KCNQ3: variants seen among roughly 807,000 people sequenced by gnomAD.
The protein encoded by KCNQ3 is potassium voltage-gated channel subfamily Q member 3.
In KCNQ3, 30 loss-of-function variants were observed where a neutral mutation model predicts 92.5. That is an observed-to-expected ratio of 0.32 (90% CI 0.24 to 0.44). KCNQ3 has a LOEUF of 0.44. Ranked by LOEUF, KCNQ3 falls within the 20% of genes least tolerant of loss-of-function variation. The pLI, the probability that KCNQ3 is intolerant of heterozygous loss-of-function variation, is 1.00. For missense variants in KCNQ3, 913 were observed against 1,140.3 expected, an observed-to-expected ratio of 0.80 and a Z score of 2.87; for synonymous variants, 450 against 468.8, an observed-to-expected ratio of 0.96 and a Z score of 0.52.
At chr8:132,418,340 T>C (rs57016900) in intron 1 of KCNQ3, among the ~76,000 whole-genome samples, 31,796 of 151,914 alleles carry the variant, frequency 0.21, 4,131 homozygotes, top group Non-Finnish European at 0.28. Context: ...TAATGAGGCG[T>C]GCTCACGGAA....
At chr8:132,373,142 G>T (rs1303745749) in intron 1 of KCNQ3, among the ~76,000 whole-genome samples, 1 of 151,972 alleles carries the variant, frequency 6.6e-6, no homozygotes, top group African/African-American at 2.4e-5. Flanking sequence ...TCCTCTTAAG[G>T]CAAGTCATAC....
intron 1 of KCNQ3, among the ~76,000 whole-genome samples, chr8:132,286,998 C>T (rs1816696870): frequency 6.6e-6 from 1 of 152,180 alleles, no homozygotes; most frequent in African/African-American, 2.4e-5. Flanking sequence ...GCAGCCCAGT[C>T]TTGAACTTGC....
intron 1 of KCNQ3, among the ~76,000 whole-genome samples, chr8:132,254,201 A>G (rs1815504143): frequency 6.6e-6 from 1 of 152,176 alleles, no homozygotes; most frequent in African/African-American, 2.4e-5. Context: ...TGCTTTAGGA[A>G]GAGGTAGGAG....
At chr8:132,361,069 G>A (rs1819154405) in intron 1 of KCNQ3, among the ~76,000 whole-genome samples, 1 of 152,148 alleles carries the variant, frequency 6.6e-6, no homozygotes, top group Non-Finnish European at 1.5e-5. Context: ...AATAACCAAT[G>A]CAAGCTTCCC....
intron 3 of KCNQ3, among the ~76,000 whole-genome samples, chr8:132,182,235 G>T (rs985603071): frequency 6.6e-6 from 1 of 152,160 alleles, no homozygotes; most frequent in Admixed American, 6.5e-5. Flanking sequence ...TATCTGTAAT[G>T]CTTGCAGAGA....
At chr8:132,187,157 A>C in intron 1 of KCNQ3, 1 of 455,748 alleles carries the variant, frequency 2.2e-6, no homozygotes, top group Non-Finnish European at 4.4e-6. Context: ...AAGCTCTCCT[A>C]CTCCAGGTAC....
chr8:132,143,054 G>A (rs1363735995), intron 9 of KCNQ3, among the ~76,000 whole-genome samples: 1 of 152,154 alleles, frequency 6.6e-6, no homozygotes, highest in Admixed American at 6.5e-5. Flanking sequence ...ACGAGTGAAT[G>A]AATGAATGAG....
intron 3 of KCNQ3, among the ~76,000 whole-genome samples, chr8:132,181,428 T>C (rs1826771147): frequency 6.6e-6 from 1 of 152,212 alleles, no homozygotes; most frequent in African/African-American, 2.4e-5. Context: ...TAATTGTACA[T>C]ATTCATGGGG....
At chr8:132,244,446 T>G (rs897904) in intron 1 of KCNQ3, among the ~76,000 whole-genome samples, 86,887 of 151,348 alleles carry the variant, frequency 0.57, 25,781 homozygotes, top group East Asian at 0.81. Flanking sequence ...AAGGAGGAGG[T>G]AGTAAAGGCA....
intron 13 of KCNQ3, among the ~76,000 whole-genome samples, chr8:132,133,064 G>T (rs1303215718): frequency 2.6e-5 from 4 of 152,102 alleles, no homozygotes; most frequent in Non-Finnish European, 4.4e-5. Flanking sequence ...GCTGGCTAGT[G>T]TTTTCTTTGG....
At chr8:132,385,108 C>A (rs1819856627) in intron 1 of KCNQ3, among the ~76,000 whole-genome samples, 1 of 152,204 alleles carries the variant, frequency 6.6e-6, no homozygotes, top group African/African-American at 2.4e-5. Flanking sequence ...CACATGTGGT[C>A]CACAGCCAAT....
At chr8:132,303,289 C>T (rs1407512002) in intron 1 of KCNQ3, among the ~76,000 whole-genome samples, 1 of 151,936 alleles carries the variant, frequency 6.6e-6, no homozygotes, top group Admixed American at 6.6e-5. Context: ...TACTATGTGT[C>T]TCCCACAGTG....
At chr8:132,249,812 G>A (rs1171529964) in intron 1 of KCNQ3, among the ~76,000 whole-genome samples, 2 of 152,208 alleles carry the variant, frequency 1.3e-5, no homozygotes, top group African/African-American at 4.8e-5. Context: ...CAAAGAGGCA[G>A]CTGAGTCCTG....
intron 1 of KCNQ3, among the ~76,000 whole-genome samples, chr8:132,356,619 T>C (rs1251301371): frequency 1.3e-5 from 2 of 152,162 alleles, no homozygotes; most frequent in Non-Finnish European, 2.9e-5. Flanking sequence ...GATGTATAAT[T>C]ATCGGCAACA....
At chr8:132,269,087 T>A (rs1451341161) in intron 1 of KCNQ3, among the ~76,000 whole-genome samples, 2 of 152,206 alleles carry the variant, frequency 1.3e-5, no homozygotes, top group Non-Finnish European at 2.9e-5. Flanking sequence ...TTAAATGAGT[T>A]GTTTGTTTTC....
At chr8:132,260,580 G>T (rs1375805003) in intron 1 of KCNQ3, among the ~76,000 whole-genome samples, 2 of 152,146 alleles carry the variant, frequency 1.3e-5, no homozygotes, top group African/African-American at 2.4e-5. Context: ...GATGGTGAAG[G>T]CATTGGGAGT....
At chr8:132,176,930 G>A (rs1274207472) in intron 4 of KCNQ3, among the ~76,000 whole-genome samples, 1 of 152,220 alleles carries the variant, frequency 6.6e-6, no homozygotes, top group African/African-American at 2.4e-5. Flanking sequence ...CTATAGCAGA[G>A]GGGTTCACTT....
chr8:132,320,011 GAAAT>G (rs1260216186), intron 1 of KCNQ3, among the ~76,000 whole-genome samples: 1 of 152,134 alleles, frequency 6.6e-6, no homozygotes, highest in Non-Finnish European at 1.5e-5. Flanking sequence ...ATGAATGAAT[GAAAT>G]AAAAAATGAA....
chr8:132,283,102 T>TGTGTGTGTGTGTGTGTATGTGTG lies in KCNQ3; in HGVS notation c.387-96922_387-96921insCACACATACACACACACACACAC, dbSNP rs1554640532. Among the ~76,000 whole-genome samples the TGTGTGTGTGTGTGTGTATGTGTG allele has an allele frequency of 4.8e-3, 728 of 151,836 alleles. 5 individuals carry two copies. Among genetic ancestry groups the TGTGTGTGTGTGTGTGTATGTGTG allele is most frequent in the African/African-American group, 0.017 (705 of 41,274 alleles). The stretch of plus-strand genomic sequence containing the variant: ...TCTCTCTCTCTCTCTCGTGTGTGTG[T>TGTGTGTGTGTGTGTGTATGTGTG]GTGTGTGTGTGTGTGTGTTTGGTGG... On this transcript the variant is annotated intron_variant, in intron 1 of 14. Transcript: ENST00000388996.
Sources: allele counts gnomAD v4.1 joint callset (sites outside exome capture counted in the v4.1 genomes callset), GRCh38; gene constraint gnomAD v4.1.1; transcripts MANE v1.5; gene names NCBI Gene and HGNC (gene_info 2026-07-23, HGNC 2026-07-21).